The following RHOBTB2 variants were observed in gnomAD, a reference collection of about 807,000 sequenced individuals.
RHOBTB2 encodes rho-related BTB domain-containing protein 2.
RHOBTB2 carries 39 observed loss-of-function variants against 66.5 expected under a neutral mutation model. That is an observed-to-expected ratio of 0.59 (90% CI 0.45 to 0.77). The LOEUF (loss-of-function observed/expected upper bound fraction) is 0.77. Among genes scored for constraint, RHOBTB2 ranks in the 30% least tolerant of loss-of-function variants. The pLI, the probability that RHOBTB2 is intolerant of heterozygous loss-of-function variation, is 0.00. For missense variants in RHOBTB2, 755 were observed against 999.1 expected, an observed-to-expected ratio of 0.76 and a Z score of 3.29; for synonymous variants, 390 against 395.0, an observed-to-expected ratio of 0.99 and a Z score of 0.15.
chr8:22,993,461 G>A (rs573585137), intron 2 of RHOBTB2, among the ~76,000 whole-genome samples: 4 of 152,328 alleles, frequency 2.6e-5, no homozygotes, highest in South Asian at 4.1e-4. Context: ...TTATGTCTGT[G>A]AGGGGGAGCA....
chr8:23,004,728 C>T lies in RHOBTB2; in HGVS notation c.192+102C>T. 1 of 1,181,058 alleles carries T rather than the reference C, an allele frequency of 8.5e-7. No homozygotes were observed. The highest frequency in any genetic ancestry group is 1.2e-6 in the Non-Finnish European group (1 of 831,434). The allele number at this position is 1,181,058 out of a possible 1,614,324, so 73.2% of individuals were successfully genotyped here. Reference sequence around the variant, plus strand: ...TGTCTCCAGAGCTCACGGGAGCCCTCTAGGGGTGGGACAGGATGGGTTGGG... The same window carrying T: ...TGTCTCCAGAGCTCACGGGAGCCCTTTAGGGGTGGGACAGGATGGGTTGGG... On this transcript the variant is annotated intron_variant, in intron 2 of 9. Transcript: ENST00000251822. This position sits in a 1 kb window ranked among gnomAD's most constrained non-coding sequence, Gnocchi z 6.4.
intron 1 of RHOBTB2, among the ~76,000 whole-genome samples, chr8:22,988,842 G>A (rs959917286): frequency 1.3e-5 from 2 of 152,178 alleles, no homozygotes; most frequent in African/African-American, 4.8e-5. Context: ...CTCAGACAAG[G>A]GGCTGAGGCT....
At chr8:22,959,947 T>G in the RHOBTB2 span, among the ~76,000 whole-genome samples, 1 of 147,442 alleles carries the variant, frequency 6.8e-6, no homozygotes, top group South Asian at 2.1e-4. Flanking sequence ...GCAGATCACT[T>G]GAGGTCAGGA....
chr8:22,994,692 T>C, upstream of RHOBTB2: 1 of 1,436,676 alleles, frequency 7.0e-7, no homozygotes, highest in Non-Finnish European at 9.6e-7. Context: ...GATTCATCCA[T>C]CGAGCATTTA....
At chr8:22,999,394 C>T (rs982429532), upstream of RHOBTB2, among the ~76,000 whole-genome samples, 6 of 151,982 alleles carry the variant, frequency 3.9e-5, no homozygotes, top group Admixed American at 1.3e-4. Context: ...AGACCCTCCC[C>T]GCGGCGTCGC....
Position 23,017,536 on chromosome 8 carries a change from G to A in RHOBTB2, c.*67G>A, listed in dbSNP as rs189503821. On this transcript the variant is annotated 3_prime_UTR_variant, in exon 10 of 10. Coordinates refer to ENST00000251822, the MANE Select transcript of RHOBTB2 (RefSeq NM_015178.3). The surrounding 1 kb of genome is among the most constrained non-coding windows in gnomAD (Gnocchi z 5.3). Reference sequence around the variant, plus strand: ...TCCGCCTTCACCCCTCTGCTCTTCCGCATCACCCCATCCACCTTACAGGGA... The same window carrying A: ...TCCGCCTTCACCCCTCTGCTCTTCCACATCACCCCATCCACCTTACAGGGA... 533 of 1,541,886 alleles carry A rather than the reference G, an allele frequency of 3.5e-4. 3 individuals carry two copies. The highest frequency in any genetic ancestry group is 1.3e-3 in the South Asian group (105 of 82,940).
chr8:22,975,681 A>G, the RHOBTB2 span, among the ~76,000 whole-genome samples: 1 of 152,158 alleles, frequency 6.6e-6, no homozygotes, highest in African/African-American at 2.4e-5. Flanking sequence ...CTCACACAGG[A>G]TGTGTGTGAA....
chr8:22,978,967 A>G, the RHOBTB2 span, among the ~76,000 whole-genome samples: 1 of 152,178 alleles, frequency 6.6e-6, no homozygotes, highest in East Asian at 1.9e-4. Flanking sequence ...ATATATGGCC[A>G]TGATGTATAC....
rs1169163546 is a variant in RHOBTB2, at chr8:23,015,675, A to G, written c.1898A>G (p.His633Arg). ...TACCAGCTGGCCGACTGGTGTCTCC[A>G]CCACATCTGCACCAACTACAACAAC... is the stretch of plus-strand genomic sequence containing the variant. ...CAYQLADWCL[H>R]HICTNYNNVC... is the part of the protein sequence containing the mutation. Residue 633 changes from histidine to arginine, a missense_variant, in exon 9 of 10, where the codon CAC becomes CGC. Physicochemically the swap from His to Arg is conservative, Grantham distance 29. This residue lies in a region of RHOBTB2 where 353 missense variants were observed against 458.2 expected (regional missense o/e 0.77). Coordinates refer to ENST00000251822, the MANE Select transcript of RHOBTB2 (RefSeq NM_015178.3). 1.2e-6 allele frequency: 2 copies of G among 1,613,822 alleles called. No homozygotes were observed. The highest frequency in any genetic ancestry group is 2.2e-5 in the East Asian group (1 of 44,854).
the RHOBTB2 span, among the ~76,000 whole-genome samples, chr8:22,956,432 A>G: frequency 6.6e-6 from 1 of 152,122 alleles, no homozygotes. Context: ...GTGAGTTCTC[A>G]TGAGACCTGG....
chr8:22,973,721 C>T, the RHOBTB2 span, among the ~76,000 whole-genome samples: 1 of 152,152 alleles, frequency 6.6e-6, no homozygotes, highest in African/African-American at 2.4e-5. Flanking sequence ...AATCTCCCTC[C>T]TTGCTAAGGC....
chr8:22,987,893 C>T (rs1810321048), intron 1 of RHOBTB2, among the ~76,000 whole-genome samples: 1 of 152,120 alleles, frequency 6.6e-6, no homozygotes, highest in Admixed American at 6.5e-5. Flanking sequence ...TCGCCATGTG[C>T]CAGCGGCAGG....
rs149368814 is a variant in RHOBTB2, at chr8:23,017,867, G to T, written c.*398G>T. 5.5e-3 allele frequency: 1,123 copies of T among 204,676 alleles called. 5 individuals are homozygous for T. Among genetic ancestry groups the T allele is most frequent in the Middle Eastern group, 0.015 (7 of 466 alleles). The allele number at this position is 204,676 out of a possible 1,614,324, so 12.7% of individuals were successfully genotyped here. On this transcript the variant is annotated 3_prime_UTR_variant, in exon 10 of 10. Transcript: ENST00000251822. This position sits in a 1 kb window ranked among gnomAD's most constrained non-coding sequence, Gnocchi z 5.3. ...CCAGCAAGCAGAAGTGATCCTCGAG[G>T]GTCCTGCCCCTGTTGGCCATATCTT...
rs1173052665 is a variant in RHOBTB2 at position 23,017,364 on chromosome 8, C to G, written c.2079C>G (p.Leu693=). The G allele has an allele frequency of 6.2e-7, 1 of 1,614,204 alleles. No homozygotes were observed. Among genetic ancestry groups the G allele is most frequent in the East Asian group, 2.2e-5 (1 of 44,878 alleles). Residue 693 remains leucine (L), a synonymous_variant, in exon 10 of 10, where the codon CTC becomes CTG. Coordinates refer to ENST00000251822, the MANE Select transcript of RHOBTB2 (RefSeq NM_015178.3). The surrounding 1 kb of genome is among the most constrained non-coding windows in gnomAD (Gnocchi z 5.3). Reference sequence around the variant, plus strand: ...GTGAGAAGGAGGACTACCTCCACCTCAAGCGGCAGCCCAAACGGCGTTGGC... The same window carrying G: ...GTGAGAAGGAGGACTACCTCCACCTGAAGCGGCAGCCCAAACGGCGTTGGC... ...KEREKEDYLH[L]KRQPKRRWLF...
upstream of RHOBTB2, chr8:22,994,736 A>G: frequency 2.2e-6 from 2 of 913,836 alleles, no homozygotes; most frequent in Non-Finnish European, 3.5e-6. Context: ...TTGAAGCACT[A>G]GACTGCAAGC....
chr8:22,998,710 AACAGAGGGAG>A (rs1181878250), upstream of RHOBTB2, among the ~76,000 whole-genome samples: 2 of 142,134 alleles, frequency 1.4e-5, no homozygotes, highest in Non-Finnish European at 3.0e-5. Flanking sequence ...CAGCCTGGGC[AACAGAGGGAG>A]ACTCAAAAAA....
chr8:22,978,726 A>G, the RHOBTB2 span, among the ~76,000 whole-genome samples: 4 of 152,130 alleles, frequency 2.6e-5, no homozygotes, highest in South Asian at 6.2e-4. Flanking sequence ...CTGCATGTTC[A>G]TTGACTGTAT....
chr8:22,995,802 G>C (rs1440138082), upstream of RHOBTB2: 6 of 1,536,472 alleles, frequency 3.9e-6, no homozygotes, highest in African/African-American at 8.2e-5. Context: ...GGGATGGGGG[G>C]CGGAGCTCAT....
At chr8:22,998,077 G>A (rs1810626354), upstream of RHOBTB2, among the ~76,000 whole-genome samples, 1 of 152,164 alleles carries the variant, frequency 6.6e-6, no homozygotes, top group Non-Finnish European at 1.5e-5. Flanking sequence ...ATTGAGAAAG[G>A]GGTGGGAGAA....
Sources: gnomAD v4.1 joint callset for allele counts (sites outside exome capture counted in the v4.1 genomes callset) on GRCh38, gnomAD v4.1.1 for gene constraint, gnomAD v4.1.1 regional missense constraint, Gnocchi (gnomAD v3.1) non-coding constraint, MANE v1.5 for transcripts, NCBI Gene and HGNC (gene_info 2026-07-23, HGNC 2026-07-21) for gene names.